The following SPOCK1 variants were observed in gnomAD, a reference collection of about 807,000 sequenced individuals.
SPOCK1 encodes testican-1.
In SPOCK1, 23 loss-of-function variants were observed where a neutral mutation model predicts 55.3. The ratio of observed to expected loss-of-function variants is 0.42; its 90% confidence interval spans 0.30 to 0.59. The LOEUF (loss-of-function observed/expected upper bound fraction) is 0.59, where lower values mean the gene tolerates loss of function less well. SPOCK1 is among the 20% of genes least tolerant of loss of function. The pLI is 0.22. For synonymous variants in SPOCK1, 226 were observed against 221.0 expected (o/e 1.02, Z -0.20); for missense variants, 499 against 552.5 (o/e 0.90, Z 0.97).
At chr5:137,210,743 G>C (rs1229051720) in intron 3 of SPOCK1, among the ~76,000 whole-genome samples, 7 of 152,284 alleles carry the variant, frequency 4.6e-5, no homozygotes, top group Non-Finnish European at 1.0e-4. Flanking sequence ...GTGAAGGTTT[G>C]CCCAGTGCTC....
chr5:137,336,107 C>G (rs1750270738), intron 2 of SPOCK1, among the ~76,000 whole-genome samples: 2 of 152,198 alleles, frequency 1.3e-5, no homozygotes, highest in South Asian at 4.1e-4. Context: ...CATGCTAACA[C>G]AGGAGTTTCT....
At chr5:137,114,122 G>C (rs1753529237) in intron 4 of SPOCK1, among the ~76,000 whole-genome samples, 1 of 152,166 alleles carries the variant, frequency 6.6e-6, no homozygotes, top group Non-Finnish European at 1.5e-5. Context: ...ACAGCACATG[G>C]GGCCCTCAGA....
intron 2 of SPOCK1, among the ~76,000 whole-genome samples, chr5:137,447,585 A>G (rs1167384373): frequency 1.3e-5 from 2 of 152,124 alleles, no homozygotes; most frequent in East Asian, 3.9e-4. Flanking sequence ...AAACACATGG[A>G]TTTACCAACT....
intron 2 of SPOCK1, among the ~76,000 whole-genome samples, chr5:137,311,597 C>A: frequency 2.0e-5 from 3 of 152,238 alleles, no homozygotes; most frequent in African/African-American, 7.2e-5. Context: ...TCTTTTCCTT[C>A]AGTCTAATCT....
chr5:137,411,576 C>T (rs1164189269), intron 2 of SPOCK1, among the ~76,000 whole-genome samples: 1 of 152,196 alleles, frequency 6.6e-6, no homozygotes, highest in South Asian at 2.1e-4. Context: ...TTCTGGAATG[C>T]ACCTTGGACT....
chr5:137,199,080 C>T (rs1413950884), intron 3 of SPOCK1, among the ~76,000 whole-genome samples: 1 of 152,156 alleles, frequency 6.6e-6, no homozygotes, highest in Non-Finnish European at 1.5e-5. Context: ...CTGTTCTGTC[C>T]ATTAACTTTT....
At chr5:137,017,420 T>A (rs918793132) in intron 6 of SPOCK1, among the ~76,000 whole-genome samples, 2 of 152,230 alleles carry the variant, frequency 1.3e-5, no homozygotes, top group Non-Finnish European at 2.9e-5. Context: ...ACAAGAATAA[T>A]AATTTTGGAA....
intron 4 of SPOCK1, among the ~76,000 whole-genome samples, chr5:137,116,887 C>G (rs554725768): frequency 1.3e-5 from 2 of 152,262 alleles, no homozygotes; most frequent in Non-Finnish European, 2.9e-5. Context: ...CCACATTTCT[C>G]CCCTCCATCC....
chr5:137,315,108 G>T (rs1757854378), intron 2 of SPOCK1, among the ~76,000 whole-genome samples: 1 of 152,044 alleles, frequency 6.6e-6, no homozygotes, highest in Admixed American at 6.6e-5. Context: ...TTCTCTGATA[G>T]GGAAAAAAAA....
intron 2 of SPOCK1, among the ~76,000 whole-genome samples, chr5:137,297,303 T>G (rs1757507743): frequency 6.6e-6 from 1 of 152,180 alleles, no homozygotes; most frequent in African/African-American, 2.4e-5. Flanking sequence ...TATGATTCAT[T>G]CACTCCACAG....
chr5:137,467,815 G>T (rs938966073), intron 2 of SPOCK1, among the ~76,000 whole-genome samples: 2 of 152,184 alleles, frequency 1.3e-5, no homozygotes, highest in African/African-American at 2.4e-5. Flanking sequence ...AAATGGAAGG[G>T]TGGAGGCAGA....
At chr5:137,253,014 C>T (rs1461661475) in intron 3 of SPOCK1, among the ~76,000 whole-genome samples, 4 of 152,186 alleles carry the variant, frequency 2.6e-5, no homozygotes, top group Non-Finnish European at 5.9e-5. Context: ...CCGCTACTTG[C>T]CTCCCCAAGC....
chr5:137,336,325 C>A (rs1488303866), intron 2 of SPOCK1, among the ~76,000 whole-genome samples: 1 of 152,222 alleles, frequency 6.6e-6, no homozygotes, highest in Non-Finnish European at 1.5e-5. Flanking sequence ...GCCTGGTTTG[C>A]ATTCCAGAAC....
At chr5:137,244,630 G>A (rs866490977) in intron 3 of SPOCK1, among the ~76,000 whole-genome samples, 5 of 152,276 alleles carry the variant, frequency 3.3e-5, no homozygotes, top group East Asian at 1.9e-4. Flanking sequence ...CCCACCAGAC[G>A]ACAGAGTCCC....
At chr5:137,117,299 T>C (rs1474766901) in intron 4 of SPOCK1, among the ~76,000 whole-genome samples, 1 of 152,256 alleles carries the variant, frequency 6.6e-6, no homozygotes, top group Non-Finnish European at 1.5e-5. Context: ...TGTCTATTCC[T>C]TGTTCAAGCT....
At chr5:137,464,111 A>C (rs143973025) in intron 2 of SPOCK1, among the ~76,000 whole-genome samples, 1 of 152,292 alleles carries the variant, frequency 6.6e-6, no homozygotes, top group East Asian at 1.9e-4. Context: ...CTAGCCTGGG[A>C]AACATGGCAA....
At chr5:137,207,589 G>A (rs1385735085) in intron 3 of SPOCK1, among the ~76,000 whole-genome samples, 1 of 152,132 alleles carries the variant, frequency 6.6e-6, no homozygotes, top group Non-Finnish European at 1.5e-5. Context: ...ACCACTGTGG[G>A]TGGACTTAAT....
intron 2 of SPOCK1, among the ~76,000 whole-genome samples, chr5:137,420,190 C>T (rs7708454): frequency 0.08 from 12,161 of 152,104 alleles, 1,212 homozygotes; most frequent in African/African-American, 0.24. Context: ...CTGCTGCATT[C>T]GGTTTGCCAG....
chr5:137,070,636 C>A (rs935741039), intron 5 of SPOCK1, among the ~76,000 whole-genome samples: 1 of 152,168 alleles, frequency 6.6e-6, no homozygotes, highest in South Asian at 2.1e-4. Context: ...CTAAACCATC[C>A]TTTACCCATG....
Sources: gnomAD v4.1 joint callset for allele counts (sites outside exome capture counted in the v4.1 genomes callset) on GRCh38, gnomAD v4.1.1 for gene constraint, MANE v1.5 for transcripts, NCBI Gene and HGNC (gene_info 2026-07-23, HGNC 2026-07-21) for gene names.